The following TRIO variants were observed in gnomAD, a reference collection of about 807,000 sequenced individuals.
The protein encoded by TRIO is trio Rho guanine nucleotide exchange factor.
TRIO carries 58 observed loss-of-function variants against 351.9 expected under a neutral mutation model. That is an observed-to-expected ratio of 0.16 (90% CI 0.13 to 0.21). TRIO has a LOEUF of 0.21. TRIO is among the 10% of genes least tolerant of loss of function. The probability of loss-of-function intolerance (pLI) is 1.00; values close to 1 mark genes in which losing one functional copy is unlikely to be tolerated. For synonymous variants in TRIO, 1,758 were observed against 1,595.7 expected (o/e 1.10, Z -2.42); for missense variants, 3,201 against 4,027.8 (o/e 0.79, Z 5.56).
chr5:14,351,094 C>T (rs1187490037), intron 11 of TRIO, among the ~76,000 whole-genome samples: 1 of 152,150 alleles, frequency 6.6e-6, no homozygotes, highest in African/African-American at 2.4e-5. Context: ...CTGTGCAGCC[C>T]AGCTCCTAAC....
intron 1 of TRIO, among the ~76,000 whole-genome samples, chr5:14,146,835 C>T (rs982066733): frequency 1.3e-5 from 2 of 152,208 alleles, no homozygotes; most frequent in African/African-American, 4.8e-5. Context: ...GTGCCCTTCT[C>T]CTCTGCTGAG....
At chr5:14,332,787 A>G (rs1741021843) in intron 10 of TRIO, among the ~76,000 whole-genome samples, 1 of 152,188 alleles carries the variant, frequency 6.6e-6, no homozygotes, top group South Asian at 2.1e-4. Flanking sequence ...CCTTGCTGTA[A>G]AATGATACCT....
At chr5:14,411,085 C>T (rs558815240) in intron 33 of TRIO, among the ~76,000 whole-genome samples, 294 of 152,244 alleles carry the variant, frequency 1.9e-3, no homozygotes, top group Non-Finnish European at 2.9e-3. Flanking sequence ...AGCGCTGAGC[C>T]GGGCCTGGGG....
chr5:14,409,286 G>A (rs1407922388), intron 33 of TRIO, among the ~76,000 whole-genome samples: 2 of 151,878 alleles, frequency 1.3e-5, no homozygotes, highest in African/African-American at 4.8e-5. Flanking sequence ...AGCATATTAG[G>A]GAGGGCTTAC....
chr5:14,481,427 C>G (rs533367652), intron 44 of TRIO, 114 bp from the exon 45 acceptor site: 2 of 1,483,602 alleles, frequency 1.3e-6, no homozygotes, highest in African/African-American at 1.4e-5. Flanking sequence ...TCCATAAGCC[C>G]TGCACACTAG....
chr5:14,381,178 A>G lies in TRIO; in HGVS notation c.3496A>G (p.Thr1166Ala). 1 of 1,613,818 alleles carries G rather than the reference A, an allele frequency of 6.2e-7. No homozygotes were observed. Among genetic ancestry groups the G allele is most frequent in the Non-Finnish European group, 8.5e-7 (1 of 1,179,946 alleles). The change falls in exon 21 of 57, where the codon ACC becomes GCC. Residue 1166 changes from threonine to alanine, a missense_variant. Coordinates refer to ENST00000344204, the MANE Select transcript of TRIO (RefSeq NM_007118.4). The stretch of plus-strand genomic sequence containing the variant: ...TGGCGAGTTCTACCTTTCCACACAC[A>G]CCTCCACGGGCTCCAGTATACAGCA... ...DNGEFYLSTH[T>A]STGSSIQHTQ...
At position 14,481,626 on chromosome 5, in the gene TRIO, G is replaced by A. The variant is rs577779854; in HGVS notation, c.6465+8G>A. 1.5e-5 allele frequency: 25 copies of A among 1,613,988 alleles called. No homozygotes were observed. The East Asian group carries it at 3.8e-4, about 24-fold the overall frequency. ...CGGCTGCAAGGATTCGACGTAATGCGGCTCTTGTTTTTTAAGAGAGCTCCT... is the reference window on the plus strand; with the variant it reads ...CGGCTGCAAGGATTCGACGTAATGCAGCTCTTGTTTTTTAAGAGAGCTCCT... On this transcript the variant is annotated splice_region_variant and intron_variant, in intron 45 of 56. Coordinates refer to ENST00000344204, the MANE Select transcript of TRIO (RefSeq NM_007118.4).
intron 1 of TRIO, among the ~76,000 whole-genome samples, chr5:14,218,176 A>G (rs971904692): frequency 6.6e-6 from 1 of 152,230 alleles, no homozygotes; most frequent in African/African-American, 2.4e-5. Context: ...GCACTTTGTC[A>G]TCTGTGTCAG....
intron 1 of TRIO, among the ~76,000 whole-genome samples, chr5:14,151,810 T>C (rs1330592610): frequency 1.3e-5 from 2 of 152,234 alleles, no homozygotes; most frequent in Non-Finnish European, 2.9e-5. Context: ...GAGGGCACTC[T>C]TTGGCATTTG....
chr5:14,212,120 C>G (rs930164188), intron 1 of TRIO, among the ~76,000 whole-genome samples: 2 of 151,710 alleles, frequency 1.3e-5, no homozygotes, highest in African/African-American at 4.8e-5. Flanking sequence ...GCCTGGGCGA[C>G]AGAGTGAGAC....
intron 13 of TRIO, 52 bp downstream of exon 13, chr5:14,359,583 T>G: frequency 6.3e-7 from 1 of 1,592,286 alleles, no homozygotes; most frequent in South Asian, 1.1e-5. Flanking sequence ...CTTGGCTTCC[T>G]CCACAGCACC....
chr5:14,508,071 C>T lies in TRIO; in HGVS notation c.8943C>T (p.Leu2981=), dbSNP rs1169629817. The T allele has an allele frequency of 1.2e-6, 2 of 1,614,198 alleles. No individual in the cohort carries two copies. The highest frequency in any genetic ancestry group is 1.7e-5 in the Admixed American group (1 of 60,020). ...CGGATACGTGGAGTGTTGGAGTGCT[C>T]ACATACGTACTTCTTAGTGGCGTGT... is the stretch of plus-strand genomic sequence containing the variant. ...LTSDTWSVGV[L]TYVLLSGVSP... is the part of the protein sequence containing the mutation. Residue 2981 remains leucine (L), a synonymous_variant, in exon 57 of 57, where the codon CTC becomes CTT. Transcript: ENST00000344204.
chr5:14,234,502 A>G (rs879596606), intron 1 of TRIO, among the ~76,000 whole-genome samples: 4 of 152,238 alleles, frequency 2.6e-5, no homozygotes, highest in Admixed American at 6.5e-5. Flanking sequence ...TTGCAATCTC[A>G]GTAGATACCT....
At chr5:14,354,415 C>T (rs1398272712) in intron 11 of TRIO, among the ~76,000 whole-genome samples, 1 of 152,226 alleles carries the variant, frequency 6.6e-6, no homozygotes, top group Non-Finnish European at 1.5e-5. Flanking sequence ...CCAGAGGCCT[C>T]CATTGGCTCC....
intron 1 of TRIO, among the ~76,000 whole-genome samples, chr5:14,262,233 G>C (rs1795392173): frequency 2.6e-5 from 4 of 152,100 alleles, no homozygotes; most frequent in Admixed American, 6.5e-5. Flanking sequence ...AAGGATTTGG[G>C]GTGTTGTGGG....
chr5:14,406,083 A>T, intron 32 of TRIO, 93 bp downstream of exon 32: 1 of 1,509,452 alleles, frequency 6.6e-7, no homozygotes. Context: ...CTTTCTCTCA[A>T]ACATTTTGAG....
At chr5:14,351,946 G>A (rs1375610829) in intron 11 of TRIO, among the ~76,000 whole-genome samples, 1 of 152,206 alleles carries the variant, frequency 6.6e-6, no homozygotes, top group Non-Finnish European at 1.5e-5. Context: ...CTCTGTGGCG[G>A]GGTCTCCCTT....
At chr5:14,144,919 C>T (rs1787408459) in intron 1 of TRIO, among the ~76,000 whole-genome samples, 1 of 103,174 alleles carries the variant, frequency 9.7e-6, no homozygotes, top group African/African-American at 5.4e-5. Flanking sequence ...GCGGCGGCGG[C>T]GGCGGCCTCG....
At chr5:14,248,710 A>G (rs931718336) in intron 1 of TRIO, among the ~76,000 whole-genome samples, 1 of 152,234 alleles carries the variant, frequency 6.6e-6, no homozygotes, top group African/African-American at 2.4e-5. Flanking sequence ...GTGCTTTGGA[A>G]CAGGTCATCA....
Sources: gnomAD v4.1 joint callset for allele counts (sites outside exome capture counted in the v4.1 genomes callset) on GRCh38, gnomAD v4.1.1 for gene constraint, MANE v1.5 for transcripts, NCBI Gene and HGNC (gene_info 2026-07-23, HGNC 2026-07-21) for gene names.